Variants in HTR2C observed in about 807,000 individuals in gnomAD.
HTR2C encodes 5-hydroxytryptamine receptor 2C, also known as 5-hydroxytryptamine (serotonin) receptor 2C, G protein-coupled.
HTR2C carries 5 observed loss-of-function variants against 21.0 expected under a neutral mutation model. The ratio of observed to expected loss-of-function variants is 0.24; its 90% CI spans 0.12 to 0.50. HTR2C has a LOEUF of 0.50. Among genes scored for constraint, HTR2C ranks in the 20% least tolerant of loss-of-function variants. The pLI is 0.98. For missense variants in HTR2C, 271 were observed against 371.2 expected, an observed-to-expected ratio of 0.73 and a Z score of 2.22; for synonymous variants, 150 against 145.3, an observed-to-expected ratio of 1.03 and a Z score of -0.23.
chrX:114,856,095 C>G (rs1447849624), intron 5 of HTR2C, among the ~76,000 whole-genome samples: 14 of 109,136 alleles, frequency 1.3e-4, no homozygotes, highest in Non-Finnish European at 9.5e-5. Flanking sequence ...CCCAAAATCT[C>G]CTTAAGCTGA....
Position 114,726,976 on chromosome X carries a change from G to T in HTR2C, c.35+5G>T. The T allele has an allele frequency of 9.5e-7, 1 of 1,057,864 alleles. No homozygotes were observed. Among genetic ancestry groups the T allele is most frequent in the South Asian group, 2.3e-5 (1 of 44,036 alleles). The allele number at this position is 1,057,864 out of a possible 1,213,427, so 87.2% of individuals were successfully genotyped here. A position where few individuals can be genotyped will look rare whatever the true frequency, so the allele number is the denominator to read the frequency against. ...GAATGCGGTGCATTCATTCCTGTAA[G>T]GATGTTACTACTTATTATTTTAGTA... is the stretch of plus-strand genomic sequence containing the variant. On this transcript the variant is annotated splice_donor_5th_base_variant and intron_variant, in intron 3 of 5. Transcript: ENST00000276198.
intron 2 of HTR2C, among the ~76,000 whole-genome samples, chrX:114,640,351 T>G (rs949245549): frequency 7.5e-5 from 2 of 26,658 alleles, no homozygotes; most frequent in African/African-American, 1.2e-4. Flanking sequence ...GATTAATGAT[T>G]AGAAATAAGG....
chrX:114,695,817 T>G (rs1602693980), intron 2 of HTR2C, among the ~76,000 whole-genome samples: 1 of 111,555 alleles, frequency 9.0e-6, no homozygotes, highest in East Asian at 2.8e-4. Flanking sequence ...CCCTCCAAAC[T>G]CAGTAGGAGA....
chrX:114,807,685 T>G (rs1287539441), intron 4 of HTR2C, among the ~76,000 whole-genome samples: 1 of 109,244 alleles, frequency 9.2e-6, no homozygotes, highest in Non-Finnish European at 1.9e-5. Context: ...ATTCATTTTT[T>G]TTTTTTGAGA....
At chrX:114,783,037 C>A (rs1390262027) in intron 4 of HTR2C, among the ~76,000 whole-genome samples, 1 of 111,186 alleles carries the variant, frequency 9.0e-6, no homozygotes, top group Non-Finnish European at 1.9e-5. Flanking sequence ...AAAAAATTAG[C>A]AGAATAAGTA....
intron 2 of HTR2C, among the ~76,000 whole-genome samples, chrX:114,663,787 G>T (rs1202639373): frequency 7.2e-5 from 8 of 111,455 alleles, no homozygotes; most frequent in African/African-American, 2.6e-4. Flanking sequence ...TGAACTGAAA[G>T]TATAGGTAGG....
chrX:114,662,020 T>A (rs1267846428), intron 2 of HTR2C, among the ~76,000 whole-genome samples: 1 of 112,018 alleles, frequency 8.9e-6, no homozygotes, highest in Non-Finnish European at 1.9e-5. Context: ...GTCAATATGT[T>A]ATTTCATTCT....
intron 4 of HTR2C, among the ~76,000 whole-genome samples, chrX:114,809,881 G>T (rs1303373073): frequency 3.6e-5 from 4 of 111,200 alleles, no homozygotes; most frequent in African/African-American, 1.3e-4. Context: ...GAATGTGCTG[G>T]GTCACATCTG....
At chrX:114,745,952 TAA>T (rs1480842061) in intron 4 of HTR2C, among the ~76,000 whole-genome samples, 2 of 111,697 alleles carry the variant, frequency 1.8e-5, no homozygotes, top group Non-Finnish European at 3.8e-5. Flanking sequence ...TAAAATAACT[TAA>T]AGAGTATAAT....
At chrX:114,698,441 C>CACACACACACACACACAA (rs782741749) in intron 2 of HTR2C, among the ~76,000 whole-genome samples, 1 of 28,676 alleles carries the variant, frequency 3.5e-5, no homozygotes, top group African/African-American at 9.6e-5. Context: ...CAGGCACAAA[C>CACACACACACACACACAA]ACACACACAC....
chrX:114,898,519 A>T (rs782750372), intron 5 of HTR2C, among the ~76,000 whole-genome samples: 1 of 111,597 alleles, frequency 9.0e-6, no homozygotes, highest in East Asian at 2.8e-4. Context: ...TGAGATTTTT[A>T]GTTTGGGGTT....
intron 2 of HTR2C, among the ~76,000 whole-genome samples, chrX:114,676,911 C>G (rs1048349204): frequency 2.7e-5 from 3 of 112,119 alleles, no homozygotes; most frequent in African/African-American, 9.7e-5. Flanking sequence ...GCAAGATTTG[C>G]TTACTTGAAA....
chrX:114,751,727 G>A (rs1389422842), intron 4 of HTR2C, among the ~76,000 whole-genome samples: 1 of 111,276 alleles, frequency 9.0e-6, no homozygotes, highest in Non-Finnish European at 1.9e-5. Context: ...AAGGTACTTA[G>A]TTCACAGTAT....
intron 4 of HTR2C, among the ~76,000 whole-genome samples, chrX:114,827,310 A>C (rs1398433720): frequency 9.0e-6 from 1 of 110,707 alleles, no homozygotes; most frequent in Non-Finnish European, 1.9e-5. Context: ...ATTTTTTCCA[A>C]GTTTCTTACC....
intron 4 of HTR2C, among the ~76,000 whole-genome samples, chrX:114,767,126 G>A (rs1448243456): frequency 1.8e-5 from 2 of 111,144 alleles, no homozygotes; most frequent in Non-Finnish European, 3.8e-5. Context: ...GAGTTTTTAT[G>A]GGAGCATGTA....
chrX:114,733,396 C>A (rs782430666), intron 4 of HTR2C, among the ~76,000 whole-genome samples: 1 of 107,022 alleles, frequency 9.3e-6, no homozygotes, highest in Non-Finnish European at 1.9e-5. Flanking sequence ...GGCGACAGAG[C>A]AATACTCCAT....
At chrX:114,651,159 T>C (rs1255209890) in intron 2 of HTR2C, among the ~76,000 whole-genome samples, 2 of 112,199 alleles carry the variant, frequency 1.8e-5, no homozygotes, top group African/African-American at 6.5e-5. Flanking sequence ...TTATTATTTA[T>C]GTTTTCTCAG....
chrX:114,698,075 G>T (rs940890074), intron 2 of HTR2C, among the ~76,000 whole-genome samples: 2 of 112,263 alleles, frequency 1.8e-5, no homozygotes, highest in African/African-American at 6.5e-5. Context: ...GCCATGCTCT[G>T]CTCCTACAGG....
At chrX:114,764,921 TTCTTTTCCTTCCTTCCTTCC>T (rs2069928215) in intron 4 of HTR2C, among the ~76,000 whole-genome samples, 1 of 46,664 alleles carries the variant, frequency 2.1e-5, no homozygotes, top group African/African-American at 7.2e-5. Flanking sequence ...CTTTCTTTCT[TTCTTTTCCTTCCTTCCTTCC>T]TTCCTTCCTT....
Sources: allele counts gnomAD v4.1 joint callset (sites outside exome capture counted in the v4.1 genomes callset), GRCh38; gene constraint gnomAD v4.1.1; transcripts MANE v1.5; gene names NCBI Gene and HGNC (gene_info 2026-07-23, HGNC 2026-07-21).